C10orf90: variants seen among roughly 807,000 people sequenced by gnomAD.
C10orf90 encodes (E2-independent) E3 ubiquitin-conjugating enzyme FATS.
Under a neutral mutation model 62.5 loss-of-function variants are expected in C10orf90, and 56 were observed. The ratio of observed to expected loss-of-function variants is 0.90; its 90% CI spans 0.72 to 1.12. The LOEUF (loss-of-function observed/expected upper bound fraction) is 1.12. Ranked by LOEUF, C10orf90 falls within the 50% of genes most tolerant of loss-of-function variation. The pLI is 0.00. For synonymous variants in C10orf90, 386 were observed against 340.4 expected, an observed-to-expected ratio of 1.13 and a Z score of -1.47; for missense variants, 970 against 880.4, an observed-to-expected ratio of 1.10 and a Z score of -1.29.
chr10:126,557,010 T>TTAA (rs1357533742), intron 2 of C10orf90, among the ~76,000 whole-genome samples: 1 of 131,948 alleles, frequency 7.6e-6, no homozygotes, highest in Non-Finnish European at 1.6e-5. Flanking sequence ...TTAATCAATT[T>TTAA]AAAAAAAAAA....
chr10:126,485,776 T>TAAA (rs55941505), intron 4 of C10orf90, among the ~76,000 whole-genome samples: 36 of 145,006 alleles, frequency 2.5e-4, no homozygotes, highest in African/African-American at 5.3e-4. Flanking sequence ...CTATCTCTAT[T>TAAA]AAAAAAAAAA....
Position 126,456,138 on chromosome 10 carries a change from A to G in C10orf90, c.2188+2902T>C, listed in dbSNP as rs939040820. Among the ~76,000 whole-genome samples, 2 of 152,240 alleles carry G rather than the reference A, an allele frequency of 1.3e-5. No individual in the cohort carries two copies. The highest frequency in any genetic ancestry group is 2.4e-5 in the African/African-American group (1 of 41,472). On this transcript the variant is annotated intron_variant, in intron 7 of 9. Transcript: ENST00000488181. The surrounding 1 kb of genome is among the most constrained non-coding windows in gnomAD (Gnocchi z 4.9). ...TTTAGCAAGTAAGAAAAACATCTGCATTTTGCTTTTATCATCTTGCCAGCA... is the reference window on the plus strand; with the variant it reads ...TTTAGCAAGTAAGAAAAACATCTGCGTTTTGCTTTTATCATCTTGCCAGCA...
chr10:126,515,792 C>T (rs1310018687), intron 2 of C10orf90, among the ~76,000 whole-genome samples: 1 of 152,196 alleles, frequency 6.6e-6, no homozygotes, highest in Non-Finnish European at 1.5e-5. Flanking sequence ...CACCATTGAC[C>T]TGTCCAGAGC....
intron 2 of C10orf90, among the ~76,000 whole-genome samples, chr10:126,637,000 T>TG (rs892973503): frequency 1.6e-4 from 24 of 151,908 alleles, no homozygotes; most frequent in African/African-American, 5.6e-4. Context: ...ATTTTTCTCT[T>TG]GGGGGGCGCT....
intron 6 of C10orf90, among the ~76,000 whole-genome samples, chr10:126,459,474 T>C (rs376408933): frequency 1.6e-4 from 24 of 152,348 alleles, no homozygotes; most frequent in African/African-American, 5.8e-4. Context: ...GCAACTGGCA[T>C]CAAAGCTGGG....
intron 5 of C10orf90, among the ~76,000 whole-genome samples, chr10:126,464,385 C>T (rs1434245106): frequency 6.6e-6 from 1 of 152,182 alleles, no homozygotes; most frequent in Non-Finnish European, 1.5e-5. Context: ...CACACACCTG[C>T]ATCTCCAACC....
rs117074443 is a variant in C10orf90, at chr10:126,469,856, C to T, written c.1535-4870G>A. ...CTGTTGAACACCCACTCTGCATGGG[C>T]GCCTGCAGGTGAGTTGAGGACTCTC... is the stretch of plus-strand genomic sequence containing the variant. On this transcript the variant is annotated intron_variant, in intron 4 of 9. Transcript: ENST00000488181. 3.4e-4 allele frequency: 155 copies of T among 456,710 alleles called. 3 individuals are homozygous for T. In the East Asian group the frequency reaches 7.2e-3, roughly 21 times the overall value. The allele number at this position is 456,710 out of a possible 1,614,324, so 28.3% of individuals were successfully genotyped here. A position where few individuals can be genotyped will look rare whatever the true frequency, so the allele number is the denominator to read the frequency against.
chr10:126,621,308 C>A (rs768625601), intron 2 of C10orf90, among the ~76,000 whole-genome samples: 6 of 152,194 alleles, frequency 3.9e-5, no homozygotes, highest in Non-Finnish European at 7.3e-5. Flanking sequence ...TTCCTAGTTA[C>A]ATCTCCTTTT....
Position 126,425,751 on chromosome 10 carries a change from C to A in C10orf90, c.*113G>T. The A allele has an allele frequency of 8.8e-7, 1 of 1,136,900 alleles. No homozygotes were observed. Among genetic ancestry groups the A allele is most frequent in the East Asian group, 2.6e-5 (1 of 38,998 alleles). 70.4% of individuals were successfully genotyped at this position (1,136,900 alleles called of 1,614,324 possible). ...GTTTTCCTTTATGGAAAAAAAAAAT[C>A]GAAAGTAAAATAAGTGTTTTCCCAT... On this transcript the variant is annotated 3_prime_UTR_variant, in exon 10 of 10. Coordinates refer to ENST00000488181, the MANE Select transcript of C10orf90 (RefSeq NM_001350921.2).
At chr10:126,611,980 A>G (rs763171063) in intron 2 of C10orf90, among the ~76,000 whole-genome samples, 3 of 152,228 alleles carry the variant, frequency 2.0e-5, no homozygotes, top group Non-Finnish European at 4.4e-5. Flanking sequence ...TTTAATTAAA[A>G]TGAAATTCAA....
intron 7 of C10orf90, among the ~76,000 whole-genome samples, chr10:126,435,338 G>A (rs1857844067): frequency 6.6e-6 from 1 of 152,224 alleles, no homozygotes; most frequent in Non-Finnish European, 1.5e-5. Flanking sequence ...AGTTTGAGAA[G>A]CAAGGTGTAT....
At chr10:126,488,278 T>C (rs974557523) in intron 4 of C10orf90, among the ~76,000 whole-genome samples, 7 of 152,036 alleles carry the variant, frequency 4.6e-5, no homozygotes, top group African/African-American at 1.4e-4. Flanking sequence ...AAGTTCATGA[T>C]GAAGACATAA....
chr10:126,667,081 C>G (rs1846645077), intron 1 of C10orf90, among the ~76,000 whole-genome samples: 2 of 147,600 alleles, frequency 1.4e-5, no homozygotes, highest in South Asian at 4.2e-4. Flanking sequence ...GCTTTGGAAA[C>G]AGAGTGTTGC....
At chr10:126,663,910 A>G (rs1225206030) in intron 1 of C10orf90, among the ~76,000 whole-genome samples, 1 of 152,198 alleles carries the variant, frequency 6.6e-6, no homozygotes, top group African/African-American at 2.4e-5. Context: ...CTTCCATAAG[A>G]TGGTAAAACC....
intron 4 of C10orf90, among the ~76,000 whole-genome samples, chr10:126,474,770 C>T (rs933190415): frequency 1.2e-4 from 18 of 152,318 alleles, no homozygotes; most frequent in South Asian, 4.1e-4. Context: ...ACTTTGGCAA[C>T]GCCTGACAAA....
intron 2 of C10orf90, among the ~76,000 whole-genome samples, chr10:126,620,087 A>T (rs11245065): frequency 0.018 from 2,757 of 151,938 alleles, 77 homozygotes; most frequent in African/African-American, 0.063. Flanking sequence ...ATTTTTTTAC[A>T]TGGTGTCTTT....
intron 1 of C10orf90, among the ~76,000 whole-genome samples, chr10:126,660,602 C>A (rs1846490242): frequency 6.6e-6 from 1 of 152,240 alleles, no homozygotes; most frequent in Non-Finnish European, 1.5e-5. Flanking sequence ...ATCACAGTCT[C>A]AGGTGACACC....
chr10:126,454,456 C>A (rs1438281746), intron 7 of C10orf90, among the ~76,000 whole-genome samples: 1 of 151,828 alleles, frequency 6.6e-6, no homozygotes, highest in Non-Finnish European at 1.5e-5. Flanking sequence ...CCTACAAGGG[C>A]TGTACCTTCT....
chr10:126,504,028 G>A lies in C10orf90; in HGVS notation c.1463C>T (p.Thr488Ile). The A allele has an allele frequency of 6.2e-7, 1 of 1,614,084 alleles. No individual in the cohort carries two copies. The highest frequency in any genetic ancestry group is 8.5e-7 in the Non-Finnish European group (1 of 1,180,028). The change falls in exon 4 of 10, where the codon ACA (threonine) becomes ATA (isoleucine). Residue 488 changes from threonine to isoleucine, a missense_variant. Thr to Ile is a moderately conservative substitution (Grantham distance 89, BLOSUM62 -1). Coordinates refer to ENST00000488181, the MANE Select transcript of C10orf90 (RefSeq NM_001350921.2). This position sits in a 1 kb window ranked among gnomAD's most constrained non-coding sequence, Gnocchi z 4.1. ...VTVRKGEKDH[T>I]THCHASDHAN... ...ATGATCGCTGGCGTGACAATGAGTT[G>A]TATGGTCCTTTTCCCCTTTTCTTAC...
Sources: gnomAD v4.1 joint callset for allele counts (sites outside exome capture counted in the v4.1 genomes callset) on GRCh38, gnomAD v4.1.1 for gene constraint, Gnocchi (gnomAD v3.1) non-coding constraint, MANE v1.5 for transcripts, NCBI Gene and HGNC (gene_info 2026-07-23, HGNC 2026-07-21) for gene names.